BTRC: variants seen among roughly 807,000 people sequenced by gnomAD.
The protein encoded by BTRC is beta-transducin repeat containing E3 ubiquitin protein ligase, also known as F-box/WD repeat-containing protein 1A.
A neutral mutation model predicts 85.5 loss-of-function variants in BTRC; 42 were observed. The ratio of observed to expected loss-of-function variants is 0.49; its 90% CI spans 0.38 to 0.64. The LOEUF (loss-of-function observed/expected upper bound fraction) is 0.64. Among genes scored for constraint, BTRC ranks in the 30% least tolerant of loss-of-function variants. The probability of loss-of-function intolerance (pLI) is 0.00; values close to 1 mark genes in which losing one functional copy is unlikely to be tolerated. For synonymous variants in BTRC, 255 were observed against 263.3 expected (o/e 0.97, Z 0.30); for missense variants, 594 against 743.5 (o/e 0.80, Z 2.34).
At chr10:101,366,440 G>A (rs1942375908) in intron 1 of BTRC, among the ~76,000 whole-genome samples, 1 of 151,866 alleles carries the variant, frequency 6.6e-6, no homozygotes, top group African/African-American at 2.4e-5. Context: ...TGCTAAAATA[G>A]TGGCACAAAG....
intron 2 of BTRC, among the ~76,000 whole-genome samples, chr10:101,451,035 G>A (rs1439363539): frequency 6.6e-6 from 1 of 152,104 alleles, no homozygotes; most frequent in African/African-American, 2.4e-5. Flanking sequence ...CCTAAGTATA[G>A]CAGTTTGCAC....
At chr10:101,429,476 G>A (rs562994979) in intron 1 of BTRC, among the ~76,000 whole-genome samples, 3 of 149,690 alleles carry the variant, frequency 2.0e-5, no homozygotes, top group Middle Eastern at 3.4e-3. Flanking sequence ...AGCTTTCTAG[G>A]TGTCGTCTTC....
rs370003852 is a variant in BTRC at position 101,444,775 on chromosome 10, T to C, written c.156+14323T>C. On this transcript the variant is annotated intron_variant, in intron 2 of 14. Coordinates refer to ENST00000370187, the MANE Select transcript of BTRC (RefSeq NM_033637.4). Reference sequence around the variant, plus strand: ...CTAGTCCGCCTGAAAACAAAAAATCTGAAGGAGATAAATTATGGTTGAATG... The same window carrying C: ...CTAGTCCGCCTGAAAACAAAAAATCCGAAGGAGATAAATTATGGTTGAATG... Among the ~76,000 whole-genome samples the C allele has an allele frequency of 9.8e-5, 15 of 152,338 alleles. No individual in the cohort carries two copies. In the East Asian group the frequency reaches 2.7e-3, roughly 27 times the overall value.
At chr10:101,431,796 G>C (rs1944410763) in intron 2 of BTRC, among the ~76,000 whole-genome samples, 2 of 152,044 alleles carry the variant, frequency 1.3e-5, no homozygotes, top group Admixed American at 1.3e-4. Flanking sequence ...CATAAAGCTG[G>C]ATATTTTCAT....
At chr10:101,509,299 G>C (rs1341801605) in intron 4 of BTRC, among the ~76,000 whole-genome samples, 1 of 118,862 alleles carries the variant, frequency 8.4e-6, no homozygotes, top group Non-Finnish European at 1.6e-5. Flanking sequence ...CTGTCGCCCA[G>C]GCTGGAGTGC....
intron 2 of BTRC, among the ~76,000 whole-genome samples, chr10:101,435,524 C>G (rs1944505535): frequency 6.6e-6 from 1 of 152,128 alleles, no homozygotes; most frequent in Non-Finnish European, 1.5e-5. Flanking sequence ...TTACGTATAT[C>G]AGTAGTTCTC....
intron 3 of BTRC, among the ~76,000 whole-genome samples, chr10:101,479,046 G>A (rs1263743762): frequency 1.3e-5 from 2 of 151,966 alleles, no homozygotes; most frequent in Middle Eastern, 3.2e-3. Flanking sequence ...TTCTCAGAAC[G>A]GTAACTGCTG....
intron 4 of BTRC, among the ~76,000 whole-genome samples, chr10:101,495,828 A>G (rs897400001): frequency 2.2e-5 from 3 of 138,130 alleles, no homozygotes; most frequent in African/African-American, 4.9e-5. Context: ...AAAAAATTCC[A>G]GATTAAGTTC....
chr10:101,518,571 G>T (rs2062056684), intron 4 of BTRC, among the ~76,000 whole-genome samples: 1 of 152,160 alleles, frequency 6.6e-6, no homozygotes, highest in African/African-American at 2.4e-5. Flanking sequence ...AGGGAGGGCT[G>T]GAGTTGCTGG....
chr10:101,448,800 T>A (rs1386121795), intron 2 of BTRC, among the ~76,000 whole-genome samples: 1 of 152,004 alleles, frequency 6.6e-6, no homozygotes, highest in African/African-American at 2.4e-5. Flanking sequence ...AGGGATATAA[T>A]GTATGGTGTA....
intron 1 of BTRC, among the ~76,000 whole-genome samples, chr10:101,395,616 A>G (rs919308531): frequency 7.9e-5 from 12 of 152,206 alleles, no homozygotes; most frequent in African/African-American, 1.4e-4. Flanking sequence ...TTTTCTTTAA[A>G]AAATGAACTT....
intron 1 of BTRC, among the ~76,000 whole-genome samples, chr10:101,374,276 C>T (rs938341439): frequency 1.3e-5 from 2 of 152,078 alleles, no homozygotes; most frequent in Non-Finnish European, 2.9e-5. Context: ...GAGATGGTAT[C>T]TCATAGTGGT....
intron 1 of BTRC, among the ~76,000 whole-genome samples, chr10:101,357,603 A>G: frequency 6.6e-6 from 1 of 152,174 alleles, no homozygotes; most frequent in East Asian, 1.9e-4. Flanking sequence ...GCTAATGACA[A>G]CTTTTATACA....
chr10:101,481,849 A>G (rs1255782886), intron 4 of BTRC, among the ~76,000 whole-genome samples: 1 of 152,142 alleles, frequency 6.6e-6, no homozygotes, highest in Non-Finnish European at 1.5e-5. Flanking sequence ...ATTGGAACCC[A>G]GTTAAATCAC....
At chr10:101,457,310 T>C (rs1235046095) in intron 2 of BTRC, among the ~76,000 whole-genome samples, 1 of 152,162 alleles carries the variant, frequency 6.6e-6, no homozygotes, top group South Asian at 2.1e-4. Context: ...CTACCTGCTT[T>C]AGGTGATCCT....
At chr10:101,538,194 T>C in intron 12 of BTRC, 99 bp from the exon 13 acceptor site, 1 of 978,024 alleles carries the variant, frequency 1.0e-6, no homozygotes, top group South Asian at 1.3e-5. Context: ...TGAACTATAC[T>C]CACCATCCAT....
intron 3 of BTRC, among the ~76,000 whole-genome samples, chr10:101,468,941 C>T (rs866065814): frequency 5.3e-5 from 8 of 152,154 alleles, no homozygotes; most frequent in Non-Finnish European, 7.4e-5. Flanking sequence ...AAATTAAACT[C>T]TTTAAAATGT....
chr10:101,424,065 C>T (rs1461686133), intron 1 of BTRC, among the ~76,000 whole-genome samples: 1 of 152,104 alleles, frequency 6.6e-6, no homozygotes, highest in Admixed American at 6.6e-5. Flanking sequence ...CCCTGCCTGT[C>T]TCTACCAAAA....
At chr10:101,412,842 G>A (rs570606468) in intron 1 of BTRC, among the ~76,000 whole-genome samples, 2 of 152,128 alleles carry the variant, frequency 1.3e-5, no homozygotes, top group African/African-American at 2.4e-5. Flanking sequence ...AGACAATAAA[G>A]TGTCTAGTTG....
Sources: gnomAD v4.1 joint callset for allele counts (sites outside exome capture counted in the v4.1 genomes callset) on GRCh38, gnomAD v4.1.1 for gene constraint, MANE v1.5 for transcripts, NCBI Gene and HGNC (gene_info 2026-07-23, HGNC 2026-07-21) for gene names.